Variants in TMEM181 observed in about 807,000 individuals in gnomAD.
TMEM181 encodes G protein-coupled receptor 178.
A neutral mutation model predicts 71.9 loss-of-function variants in TMEM181; 39 were observed. The ratio of observed to expected loss-of-function variants is 0.54; its 90% CI spans 0.42 to 0.71. The LOEUF is 0.71. Ranked by LOEUF, TMEM181 falls within the 30% of genes least tolerant of loss-of-function variation. The pLI is 0.00. For synonymous variants in TMEM181, 245 were observed against 228.8 expected, an observed-to-expected ratio of 1.07 and a Z score of -0.64; for missense variants, 595 against 583.0, an observed-to-expected ratio of 1.02 and a Z score of -0.21.
Position 158,629,809 on chromosome 6 carries a change from T to A in TMEM181, c.1272T>A (p.Asn424Lys). ...TLAFVYSPSK[N>K]ALYESQLKDN... ...CCTTTGTATATTCTCCATCGAAGAA[T>A]GCCCTCTATGGTAAGCCACCCTGGG... The change falls in exon 15 of 17, where the codon AAT becomes AAA. Residue 424 changes from asparagine to lysine, a missense_variant. Transcript: ENST00000684151. The A allele has an allele frequency of 6.2e-7, 1 of 1,614,054 alleles. No individual in the cohort carries two copies. The highest frequency in any genetic ancestry group is 1.1e-5 in the South Asian group (1 of 91,086).
intron 13 of TMEM181, chr6:158,626,293 G>T (rs1379363173): frequency 4.7e-6 from 2 of 429,780 alleles, no homozygotes; most frequent in African/African-American, 4.0e-5. Flanking sequence ...TGGCCAGTTG[G>T]TAGAGGAACA....
At chr6:158,601,030 A>C (rs1332619319) in intron 6 of TMEM181, among the ~76,000 whole-genome samples, 1 of 152,110 alleles carries the variant, frequency 6.6e-6, no homozygotes, top group Non-Finnish European at 1.5e-5. Flanking sequence ...GACGTAGTAA[A>C]CGTTTTTAAT....
At chr6:158,554,306 G>A (rs536850930) in intron 1 of TMEM181, among the ~76,000 whole-genome samples, 3 of 152,078 alleles carry the variant, frequency 2.0e-5, no homozygotes, top group South Asian at 2.1e-4. Context: ...GGCTGATCTC[G>A]AACTCTTGAC....
intron 8 of TMEM181, 135 bp downstream of exon 8, chr6:158,607,478 C>T: frequency 1.3e-6 from 1 of 749,218 alleles, no homozygotes; most frequent in South Asian, 1.6e-5. Flanking sequence ...AGGAGTTTAA[C>T]ACCAGCCTGG....
rs375358191 is a variant in TMEM181 at position 158,608,448 on chromosome 6, C to T, written c.789C>T (p.His263=). The T allele has an allele frequency of 1.5e-5, 24 of 1,614,090 alleles. No homozygotes were observed. The highest frequency in any genetic ancestry group is 1.6e-4 in the Middle Eastern group (1 of 6,082). Residue 263 remains histidine, a synonymous_variant, in exon 9 of 17, where the codon CAC becomes CAT. Transcript: ENST00000684151. ...ALLLFWLCVY[H]GIRVQGERKC... ...TGCTCTTCTGGCTGTGCGTGTACCA[C>T]GGGATTCGTGTCCAGGTGAGCCGGA...
upstream of TMEM181, among the ~76,000 whole-genome samples, chr6:158,555,094 T>C (rs896162539): frequency 3.9e-5 from 6 of 152,256 alleles, no homozygotes; most frequent in Non-Finnish European, 8.8e-5. Flanking sequence ...CTTGAACTAG[T>C]AACAAATGTA....
Position 158,571,339 on chromosome 6 carries a change from G to T in TMEM181, c.9-2081G>T, listed in dbSNP as rs149556092. Among the ~76,000 whole-genome samples the T allele has an allele frequency of 3.9e-3, 587 of 149,558 alleles. 10 individuals are homozygous for T. Among genetic ancestry groups the T allele is most frequent in the African/African-American group, 0.013 (531 of 40,568 alleles). On this transcript the variant is annotated intron_variant, in intron 1 of 16. Coordinates refer to ENST00000684151, the MANE Select transcript of TMEM181 (RefSeq NM_001376852.1). ...TCTCGATCTCCTGACCTTGTGATCC[G>T]CCCACCTTGGCCTCCCAAAGTGCTG...
At chr6:158,577,155 A>G (rs892440874) in intron 2 of TMEM181, among the ~76,000 whole-genome samples, 7 of 152,170 alleles carry the variant, frequency 4.6e-5, no homozygotes, top group Non-Finnish European at 7.3e-5. Flanking sequence ...TCTCTGAGTA[A>G]GACCATATGA....
intron 1 of TMEM181, among the ~76,000 whole-genome samples, chr6:158,561,455 G>A (rs997179904): frequency 6.6e-6 from 1 of 152,230 alleles, no homozygotes; most frequent in Non-Finnish European, 1.5e-5. Context: ...GCTTGGAACG[G>A]TGTCTTGTGG....
intron 6 of TMEM181, among the ~76,000 whole-genome samples, chr6:158,597,079 C>T (rs972570974): frequency 6.6e-6 from 1 of 152,134 alleles, no homozygotes; most frequent in Admixed American, 6.5e-5. Context: ...TCTAGATGGT[C>T]GATGGCCCCT....
At chr6:158,562,316 G>C (rs2362574) in intron 1 of TMEM181, among the ~76,000 whole-genome samples, 48,281 of 152,028 alleles carry the variant, frequency 0.32, 8,341 homozygotes, top group East Asian at 0.75. Flanking sequence ...GTCTGAGGAC[G>C]GTGTGGGGCG....
At chr6:158,590,739 G>A (rs2128305835) in intron 6 of TMEM181, among the ~76,000 whole-genome samples, 1 of 152,356 alleles carries the variant, frequency 6.6e-6, no homozygotes, top group Admixed American at 6.5e-5. Context: ...TGGGATTGCA[G>A]GCGTGAGCCA....
chr6:158,599,555 G>A (rs753562184), intron 6 of TMEM181, among the ~76,000 whole-genome samples: 11 of 152,166 alleles, frequency 7.2e-5, no homozygotes, highest in Non-Finnish European at 1.5e-4. Context: ...GTATTTTGGG[G>A]TTTAAAAATA....
At chr6:158,581,245 C>T (rs1035639713) in intron 3 of TMEM181, among the ~76,000 whole-genome samples, 1 of 152,228 alleles carries the variant, frequency 6.6e-6, no homozygotes, top group African/African-American at 2.4e-5. Context: ...AGCAGTTGTT[C>T]ATTTCCAAAG....
intron 10 of TMEM181, among the ~76,000 whole-genome samples, chr6:158,622,469 C>T (rs568457644): frequency 5.9e-5 from 9 of 151,980 alleles, no homozygotes; most frequent in South Asian, 2.1e-4. Flanking sequence ...ATGATGTGGC[C>T]GACTGACGGG....
intron 5 of TMEM181, among the ~76,000 whole-genome samples, chr6:158,587,505 T>C (rs1217701309): frequency 1.3e-5 from 2 of 152,186 alleles, no homozygotes; most frequent in Non-Finnish European, 2.9e-5. Context: ...ATTACTTTTT[T>C]TTTTTTTAAA....
chr6:158,541,829 A>ACTCT (rs10670303), intron 1 of TMEM181, among the ~76,000 whole-genome samples: 76,098 of 150,086 alleles, frequency 0.51, 19,459 homozygotes, highest in East Asian at 0.57. Context: ...TTGACTGACA[A>ACTCT]CTCTGTCTTT....
intron 1 of TMEM181, among the ~76,000 whole-genome samples, chr6:158,537,048 G>C (rs937603447): frequency 2.0e-5 from 3 of 151,936 alleles, no homozygotes; most frequent in Non-Finnish European, 4.4e-5. Context: ...GGAAGGGGAC[G>C]GGGAGCAGGG....
chr6:158,606,763 C>T (rs1052401367), intron 7 of TMEM181, among the ~76,000 whole-genome samples: 2 of 152,224 alleles, frequency 1.3e-5, no homozygotes, highest in African/African-American at 4.8e-5. Flanking sequence ...TTTTCATGGG[C>T]AAGCCCTGGC....
Sources: allele counts gnomAD v4.1 joint callset (sites outside exome capture counted in the v4.1 genomes callset), GRCh38; gene constraint gnomAD v4.1.1; transcripts MANE v1.5; gene names NCBI Gene and HGNC (gene_info 2026-07-23, HGNC 2026-07-21).